The following SRGAP3 variants were observed in gnomAD, a reference collection of about 807,000 sequenced individuals.
SRGAP3 encodes SLIT-ROBO Rho GTPase-activating protein 3.
A neutral mutation model predicts 121.1 loss-of-function variants in SRGAP3; 39 were observed. The ratio of observed to expected loss-of-function variants is 0.32; its 90% CI spans 0.25 to 0.42. The LOEUF (loss-of-function observed/expected upper bound fraction) is 0.42. SRGAP3 is among the 10% of genes least tolerant of loss of function. The probability of loss-of-function intolerance (pLI) is 1.00; values close to 1 mark genes in which losing one functional copy is unlikely to be tolerated. For synonymous variants in SRGAP3, 601 were observed against 570.0 expected, an observed-to-expected ratio of 1.05 and a Z score of -0.77; for missense variants, 1,213 against 1,470.6, an observed-to-expected ratio of 0.82 and a Z score of 2.86.
chr3:9,137,465 A>G (rs982916944), intron 1 of SRGAP3, among the ~76,000 whole-genome samples: 2 of 152,220 alleles, frequency 1.3e-5, no homozygotes, highest in Non-Finnish European at 1.5e-5. Flanking sequence ...AAGGAAGCAC[A>G]GTATATTGGC....
intron 4 of SRGAP3, among the ~76,000 whole-genome samples, chr3:9,074,375 CCAGGGAGGGACTGGGCT>C (rs1312037767): frequency 2.0e-5 from 3 of 152,226 alleles, no homozygotes; most frequent in African/African-American, 7.2e-5. Flanking sequence ...GCCCCATGTT[CCAGGGAGGGACTGGGCT>C]CAGGGAGTTT....
intron 1 of SRGAP3, among the ~76,000 whole-genome samples, chr3:9,140,895 A>G (rs1342829469): frequency 3.3e-5 from 5 of 152,242 alleles, no homozygotes; most frequent in Non-Finnish European, 4.4e-5. Context: ...TTATTGGATC[A>G]TACCACAGTG....
chr3:9,313,104 C>T (rs867127434), intron 3 of SRGAP3, among the ~76,000 whole-genome samples: 2 of 152,166 alleles, frequency 1.3e-5, no homozygotes, highest in African/African-American at 2.4e-5. Flanking sequence ...CCCATGTTCC[C>T]AGCCACACTC....
chr3:9,122,105 G>A (rs1357456077), intron 2 of SRGAP3, among the ~76,000 whole-genome samples: 1 of 152,176 alleles, frequency 6.6e-6, no homozygotes, highest in Non-Finnish European at 1.5e-5. Context: ...TCTTTACGAT[G>A]GGGTAGTAAT....
intron 2 of SRGAP3, among the ~76,000 whole-genome samples, chr3:9,122,439 G>A (rs138459221): frequency 0.012 from 1,823 of 152,232 alleles, 31 homozygotes; most frequent in African/African-American, 0.042. Flanking sequence ...GCTGGGCGCG[G>A]TGGCTCACAC....
Position 9,013,463 on chromosome 3 carries a change from C to A in SRGAP3, c.1992G>T (p.Met664Ile), listed in dbSNP as rs201964498. ...NLAICFGPTL[M>I]HIPDGQDPVS... The stretch of plus-strand genomic sequence containing the variant: ...CAGGGTCCTGCCCATCAGGGATGTG[C>A]ATGAGGGTAGGCCCGAAGCAGATGG... The change falls in exon 17 of 22, where the codon ATG becomes ATT. Residue 664 changes from methionine (M) to isoleucine (I), a missense_variant. By Grantham distance (10) the Met-to-Ile change is conservative. This residue lies in a region of SRGAP3 where 793 missense variants were observed against 1,032.9 expected (regional missense o/e 0.77). Coordinates refer to ENST00000383836, the MANE Select transcript of SRGAP3 (RefSeq NM_014850.4). 6.9e-5 allele frequency: 111 copies of A among 1,613,966 alleles called. No individual in the cohort carries two copies. Among genetic ancestry groups the A allele is most frequent in the Non-Finnish European group, 8.4e-5 (99 of 1,180,032 alleles).
intron 3 of SRGAP3, among the ~76,000 whole-genome samples, chr3:9,302,075 G>A (rs982645229): frequency 6.6e-6 from 1 of 152,150 alleles, no homozygotes; most frequent in Admixed American, 6.5e-5. Context: ...GCTTACAACC[G>A]TCCTCAGTGC....
At chr3:9,180,684 A>G (rs534792602) in intron 1 of SRGAP3, among the ~76,000 whole-genome samples, 1 of 152,226 alleles carries the variant, frequency 6.6e-6, no homozygotes, top group South Asian at 2.1e-4. Context: ...CCTCACTCAG[A>G]CCTCATCTGC....
chr3:9,051,897 G>A (rs1945596891), intron 9 of SRGAP3, among the ~76,000 whole-genome samples: 6 of 152,002 alleles, frequency 3.9e-5, no homozygotes, highest in Admixed American at 3.9e-4. Flanking sequence ...TATTTTAGTA[G>A]AGACGGGTTT....
At chr3:9,316,738 G>A (rs1475924457) in intron 3 of SRGAP3, among the ~76,000 whole-genome samples, 1 of 152,138 alleles carries the variant, frequency 6.6e-6, no homozygotes, top group Non-Finnish European at 1.5e-5. Context: ...TTGTCCATCT[G>A]AAGGAATGCA....
intron 1 of SRGAP3, among the ~76,000 whole-genome samples, chr3:9,360,129 A>G (rs1346928834): frequency 6.6e-6 from 1 of 152,064 alleles, no homozygotes; most frequent in African/African-American, 2.4e-5. Context: ...AGGTCTCCCT[A>G]TGTTGTCCAG....
intron 3 of SRGAP3, among the ~76,000 whole-genome samples, chr3:9,324,915 C>T (rs1291135038): frequency 6.6e-6 from 1 of 151,556 alleles, no homozygotes; most frequent in Non-Finnish European, 1.5e-5. Flanking sequence ...CGAGATCGCG[C>T]CACTGCACTC....
intron 1 of SRGAP3, among the ~76,000 whole-genome samples, chr3:9,358,471 C>G (rs147659236): frequency 3.3e-4 from 51 of 152,332 alleles, no homozygotes; most frequent in African/African-American, 1.2e-3. Flanking sequence ...AACACAAAAA[C>G]AGTCAAGACT....
intron 1 of SRGAP3, among the ~76,000 whole-genome samples, chr3:9,344,775 GC>G (rs1437047857): frequency 6.6e-6 from 1 of 152,176 alleles, no homozygotes; most frequent in East Asian, 1.9e-4. Flanking sequence ...GGTGGCTCAT[GC>G]CTGTAATCCC....
intron 1 of SRGAP3, among the ~76,000 whole-genome samples, chr3:9,149,557 A>G (rs1029322028): frequency 1.3e-5 from 2 of 152,232 alleles, no homozygotes; most frequent in Admixed American, 1.3e-4. Context: ...CTCCAGCTAC[A>G]GTCGGGCTCC....
intron 2 of SRGAP3, among the ~76,000 whole-genome samples, chr3:9,115,449 T>C (rs1948771639): frequency 6.6e-6 from 1 of 152,218 alleles, no homozygotes; most frequent in South Asian, 2.1e-4. Flanking sequence ...AGTATATGCA[T>C]GCATAAAGAA....
At chr3:9,047,719 G>A (rs1054315838) in intron 9 of SRGAP3, among the ~76,000 whole-genome samples, 2 of 152,218 alleles carry the variant, frequency 1.3e-5, no homozygotes, top group Non-Finnish European at 2.9e-5. Context: ...CGGGGGTTAG[G>A]AACACAAAGC....
At chr3:9,212,973 A>T (rs1329046789) in intron 1 of SRGAP3, among the ~76,000 whole-genome samples, 3 of 152,216 alleles carry the variant, frequency 2.0e-5, no homozygotes, top group Non-Finnish European at 4.4e-5. Context: ...CTTGGAGCCC[A>T]CTGGAAAAGA....
chr3:9,316,371 T>C (rs1168830616), intron 3 of SRGAP3, among the ~76,000 whole-genome samples: 2 of 147,168 alleles, frequency 1.4e-5, no homozygotes, highest in Non-Finnish European at 3.0e-5. Context: ...AAAAAAAAAA[T>C]TAATAGGCCA....
Sources: gnomAD v4.1 joint callset for allele counts (sites outside exome capture counted in the v4.1 genomes callset) on GRCh38, gnomAD v4.1.1 for gene constraint, gnomAD v4.1.1 regional missense constraint, MANE v1.5 for transcripts, NCBI Gene and HGNC (gene_info 2026-07-23, HGNC 2026-07-21) for gene names.